The following AMBRA1 variants were observed in gnomAD, a reference collection of about 807,000 sequenced individuals.
AMBRA1 encodes activating molecule in BECN1-regulated autophagy protein 1.
In AMBRA1, 47 loss-of-function variants were observed where a neutral mutation model predicts 125.4. That is an observed-to-expected ratio of 0.37 (90% CI 0.30 to 0.48). The LOEUF (loss-of-function observed/expected upper bound fraction) is 0.48, where lower values mean the gene tolerates loss of function less well. Among genes scored for constraint, AMBRA1 ranks in the 20% least tolerant of loss-of-function variants. The pLI is 0.99. For missense variants in AMBRA1, 1,331 were observed against 1,693.4 expected (o/e 0.79, Z 3.76); for synonymous variants, 626 against 655.5 (o/e 0.95, Z 0.69).
At chr11:46,465,488 C>T (rs377153459) in intron 11 of AMBRA1, among the ~76,000 whole-genome samples, 1 of 152,114 alleles carries the variant, frequency 6.6e-6, no homozygotes, top group East Asian at 1.9e-4. Context: ...ACCATATTTT[C>T]TCAGAGAGTT....
At chr11:46,439,900 A>T (rs542984974) in intron 12 of AMBRA1, among the ~76,000 whole-genome samples, 1 of 152,098 alleles carries the variant, frequency 6.6e-6, no homozygotes, top group East Asian at 1.9e-4. Context: ...CAAATTTAAA[A>T]TGCCCACATA....
intron 11 of AMBRA1, among the ~76,000 whole-genome samples, chr11:46,470,928 G>A (rs369971064): frequency 7.9e-5 from 12 of 152,140 alleles, no homozygotes; most frequent in African/African-American, 9.7e-5. Flanking sequence ...GGAGGAGAAA[G>A]AACTAATAAG....
At chr11:46,461,457 A>T (rs1311727267) in intron 11 of AMBRA1, among the ~76,000 whole-genome samples, 1 of 152,212 alleles carries the variant, frequency 6.6e-6, no homozygotes, top group African/African-American at 2.4e-5. Context: ...GAAGGAAGCA[A>T]ACGAAAGCAA....
intron 1 of AMBRA1, among the ~76,000 whole-genome samples, chr11:46,551,596 C>A (rs573518589): frequency 2.6e-5 from 4 of 152,186 alleles, no homozygotes; most frequent in African/African-American, 4.8e-5. Flanking sequence ...CGACACCAGG[C>A]GCGATGGCTC....
intron 1 of AMBRA1, among the ~76,000 whole-genome samples, chr11:46,584,489 AT>A (rs1396326660): frequency 6.6e-6 from 1 of 151,886 alleles, no homozygotes; most frequent in Non-Finnish European, 1.5e-5. Flanking sequence ...TAACCTGCAC[AT>A]TGTGCACATG....
chr11:46,402,976 A>G (rs1945837951), intron 17 of AMBRA1, among the ~76,000 whole-genome samples: 1 of 152,166 alleles, frequency 6.6e-6, no homozygotes, highest in Non-Finnish European at 1.5e-5. Context: ...CCAGGGCTAG[A>G]GGGAAATGGC....
intron 9 of AMBRA1, among the ~76,000 whole-genome samples, chr11:46,506,521 T>C (rs1354644093): frequency 2.6e-5 from 4 of 152,184 alleles, no homozygotes; most frequent in African/African-American, 9.7e-5. Context: ...GCAAGATGAC[T>C]TGTGAGGAAC....
intron 1 of AMBRA1, among the ~76,000 whole-genome samples, chr11:46,565,423 T>C (rs948999569): frequency 6.6e-6 from 1 of 152,092 alleles, no homozygotes; most frequent in African/African-American, 2.4e-5. Context: ...AAACTTGTTA[T>C]CAGCTGGGTG....
intron 15 of AMBRA1, 21 bp downstream of exon 15, chr11:46,417,892 C>T: frequency 6.3e-7 from 1 of 1,592,910 alleles, no homozygotes; most frequent in Non-Finnish European, 8.6e-7. Flanking sequence ...TCCCTCAACC[C>T]CCACACTTTA....
At chr11:46,565,320 T>C (rs1252124195) in intron 1 of AMBRA1, among the ~76,000 whole-genome samples, 1 of 152,108 alleles carries the variant, frequency 6.6e-6, no homozygotes, top group Non-Finnish European at 1.5e-5. Context: ...TTTTCCTTTT[T>C]TTTTAAATTA....
chr11:46,542,747 G>A lies in AMBRA1; in HGVS notation c.1270C>T (p.Leu424Phe). The change falls in exon 7 of 18, where the codon CTC becomes TTC. Residue 424 changes from leucine (L) to phenylalanine (F), a missense_variant. Leu to Phe is a conservative substitution (Grantham distance 22). Around this residue, in one of 4 missense-constraint regions of AMBRA1, gnomAD observed 689 missense variants for 776.5 expected, o/e 0.89. Transcript: ENST00000683756. This position sits in a 1 kb window ranked among gnomAD's most constrained non-coding sequence, Gnocchi z 5.9. ...GCCTCAGAGCGGGAGTTCAGACTGA[G>A]TACTGTCCGGGTCCACTCAGATCCT... The part of the protein sequence containing the change: ...LTGSEWTRTV[L>F]SLNSRSEAES... 1 of 1,614,012 alleles carries A rather than the reference G, an allele frequency of 6.2e-7. No individual in the cohort carries two copies. The highest frequency in any genetic ancestry group is 8.5e-7 in the Non-Finnish European group (1 of 1,180,008).
chr11:46,497,029 T>C (rs1443572976), intron 9 of AMBRA1, among the ~76,000 whole-genome samples: 2 of 151,896 alleles, frequency 1.3e-5, no homozygotes, highest in Non-Finnish European at 2.9e-5. Flanking sequence ...CAAGAATCGC[T>C]TGAACCAGGA....
intron 6 of AMBRA1, 41 bp downstream of exon 6, chr11:46,543,934 C>A (rs774535662): frequency 6.6e-7 from 1 of 1,511,262 alleles, no homozygotes; most frequent in Non-Finnish European, 9.2e-7. Context: ...AAGAAAAGAA[C>A]TCACAGTTTA....
rs757098489 is a variant in AMBRA1 at position 46,397,906 on chromosome 11, C to T, written c.3441G>A (p.Ala1147=). 6.9e-6 allele frequency: 11 copies of T among 1,598,548 alleles called. No individual in the cohort carries two copies. The highest frequency in any genetic ancestry group is 1.1e-5 in the South Asian group (1 of 91,060). Residue 1147 remains alanine, a synonymous_variant, in exon 18 of 18, where the codon GCG becomes GCA. Coordinates refer to ENST00000683756, the MANE Select transcript of AMBRA1 (RefSeq NM_001387011.1). ...GSEYGASGED[A]LSRIQRLMAE... ...CCATCAGCCTCTGGATCCTGCTGAG[C>T]GCATCTTCTCCACTGGCACCATACT... is the stretch of plus-strand genomic sequence containing the variant.
intron 1 of AMBRA1, among the ~76,000 whole-genome samples, chr11:46,573,785 T>G (rs1286159762): frequency 6.6e-6 from 1 of 150,624 alleles, no homozygotes; most frequent in African/African-American, 2.4e-5. Flanking sequence ...CATCTAGCAT[T>G]AGGTATACCT....
At chr11:46,517,470 GTTT>G (rs768814141) in intron 7 of AMBRA1, among the ~76,000 whole-genome samples, 23 of 96,154 alleles carry the variant, frequency 2.4e-4, no homozygotes, top group South Asian at 2.1e-3. Flanking sequence ...TATTAATAAG[GTTT>G]TTTTTTTTTT....
intron 13 of AMBRA1, among the ~76,000 whole-genome samples, chr11:46,434,115 C>CA (rs145761376): frequency 0.23 from 12,207 of 53,660 alleles, 1,229 homozygotes; most frequent in African/African-American, 0.27. Context: ...AACTCCGTCT[C>CA]AAAAAAAAAA....
At position 46,520,771 on chromosome 11, in the gene AMBRA1, A is replaced by AC. The variant is rs553673525; in HGVS notation, c.2073-7959_2073-7958insG. Among the ~76,000 whole-genome samples, 8 of 130,748 alleles carry AC rather than the reference A, an allele frequency of 6.1e-5. No individual in the cohort carries two copies. In the East Asian group the frequency reaches 1.8e-3, roughly 29 times the overall value. The allele number at this position is 130,748 out of a possible 152,430, so 85.8% of individuals were successfully genotyped here. A position where few individuals can be genotyped will look rare whatever the true frequency, so the allele number is the denominator to read the frequency against. On this transcript the variant is annotated intron_variant, in intron 7 of 17. Transcript: ENST00000683756. Reference sequence around the variant, plus strand: ...CCACCAAGCCCGGCTAATTTTTTGTATTTTTTTTTTTTTTTAGTAGAGACG... The same window carrying AC: ...CCACCAAGCCCGGCTAATTTTTTGTACTTTTTTTTTTTTTTTAGTAGAGACG...
intron 1 of AMBRA1, among the ~76,000 whole-genome samples, chr11:46,552,368 CAAAAAAAAAAAAAAAAAAAA>C (rs56090695): frequency 2.5e-3 from 30 of 11,992 alleles, no homozygotes; most frequent in South Asian, 8.5e-3. Context: ...GACTCCATCT[CAAAAAAAAAAAAAAAAAAAA>C]AAAAAAAAAA....
Sources: gnomAD v4.1 joint callset for allele counts (sites outside exome capture counted in the v4.1 genomes callset) on GRCh38, gnomAD v4.1.1 for gene constraint, gnomAD v4.1.1 regional missense constraint, Gnocchi (gnomAD v3.1) non-coding constraint, MANE v1.5 for transcripts, NCBI Gene and HGNC (gene_info 2026-07-23, HGNC 2026-07-21) for gene names.